Variants in NOL4 observed in about 807,000 individuals in gnomAD.
NOL4 encodes nucleolar protein 4.
In NOL4, 17 loss-of-function variants were observed where a neutral mutation model predicts 75.9. That is an observed-to-expected ratio of 0.22 (90% confidence interval 0.15 to 0.34). The LOEUF (loss-of-function observed/expected upper bound fraction) is 0.34, where lower values mean the gene tolerates loss of function less well. Ranked by LOEUF, NOL4 falls within the 10% of genes least tolerant of loss-of-function variation. NOL4 has a pLI of 1.00. For synonymous variants in NOL4, 292 were observed against 289.9 expected (o/e 1.01, Z -0.07); for missense variants, 614 against 793.5 (o/e 0.77, Z 2.72).
chr18:34,070,125 G>C (rs1373654331), intron 5 of NOL4, among the ~76,000 whole-genome samples: 1 of 152,294 alleles, frequency 6.6e-6, no homozygotes, highest in Middle Eastern at 3.4e-3. Flanking sequence ...TCCGCCTTCC[G>C]GGTTCACGCC....
At chr18:34,137,452 C>T (rs535473074) in intron 1 of NOL4, among the ~76,000 whole-genome samples, 56 of 151,992 alleles carry the variant, frequency 3.7e-4, no homozygotes, top group Non-Finnish European at 6.2e-4. Context: ...AGTCAAATAA[C>T]CCAATTTAAA....
chr18:34,198,208 G>A (rs577646027), intron 1 of NOL4, among the ~76,000 whole-genome samples: 62 of 151,720 alleles, frequency 4.1e-4, no homozygotes, highest in Non-Finnish European at 3.8e-4. Context: ...GTCTTGAAAG[G>A]GTATATTAGT....
At chr18:34,037,271 GAC>G (rs1293436390) in intron 5 of NOL4, among the ~76,000 whole-genome samples, 5 of 151,940 alleles carry the variant, frequency 3.3e-5, no homozygotes, top group African/African-American at 1.2e-4. Context: ...AACACAGGAG[GAC>G]ACAAACAAAT....
intron 6 of NOL4, among the ~76,000 whole-genome samples, chr18:34,002,201 T>C (rs1408982665): frequency 2.0e-5 from 3 of 152,058 alleles, no homozygotes; most frequent in South Asian, 2.1e-4. Flanking sequence ...AATTTATAAG[T>C]ATAATTTATA....
intron 10 of NOL4, among the ~76,000 whole-genome samples, chr18:33,880,323 G>A (rs1366813777): frequency 6.6e-6 from 1 of 151,672 alleles, no homozygotes; most frequent in African/African-American, 2.4e-5. Context: ...GTGTGTGTGT[G>A]TGTGTGTGTG....
chr18:33,976,964 G>A (rs2071536940), intron 6 of NOL4, among the ~76,000 whole-genome samples: 1 of 151,990 alleles, frequency 6.6e-6, no homozygotes, highest in Admixed American at 6.6e-5. Context: ...ATCTATTTTT[G>A]CACTACTCTT....
At chr18:34,135,583 G>A (rs1042923210) in intron 1 of NOL4, among the ~76,000 whole-genome samples, 4 of 150,378 alleles carry the variant, frequency 2.7e-5, no homozygotes, top group African/African-American at 7.3e-5. Context: ...TGTAGTGCCC[G>A]CTACTTGGGA....
intron 1 of NOL4, among the ~76,000 whole-genome samples, chr18:34,216,014 C>G (rs942137581): frequency 6.6e-5 from 10 of 152,056 alleles, no homozygotes; most frequent in Admixed American, 2.0e-4. Context: ...TTTCCAAATA[C>G]TTATTGAAAA....
chr18:34,051,346 AATT>A (rs1433058767), intron 5 of NOL4, among the ~76,000 whole-genome samples: 2 of 152,132 alleles, frequency 1.3e-5, no homozygotes, highest in East Asian at 1.9e-4. Flanking sequence ...CTGTCTACAT[AATT>A]ATTATTGGTT....
At chr18:33,887,067 AATAT>A (rs1171445416) in intron 9 of NOL4, among the ~76,000 whole-genome samples, 1 of 140,130 alleles carries the variant, frequency 7.1e-6, no homozygotes, top group South Asian at 2.1e-4. Flanking sequence ...ATCTATATAT[AATAT>A]ATATATCTAT....
chr18:34,020,909 CAT>C (rs1186815831), intron 5 of NOL4, among the ~76,000 whole-genome samples: 2 of 152,038 alleles, frequency 1.3e-5, no homozygotes, highest in African/African-American at 4.8e-5. Context: ...GTAGTGAAAT[CAT>C]ATAAATATGG....
At chr18:33,912,373 T>C (rs537709238) in intron 9 of NOL4, among the ~76,000 whole-genome samples, 1 of 152,108 alleles carries the variant, frequency 6.6e-6, no homozygotes, top group East Asian at 1.9e-4. Context: ...AATATATGTA[T>C]GAAATTATAG....
At chr18:33,991,881 T>C (rs2072942963) in intron 6 of NOL4, among the ~76,000 whole-genome samples, 1 of 150,020 alleles carries the variant, frequency 6.7e-6, no homozygotes, top group Non-Finnish European at 1.5e-5. Context: ...AATTCTATAC[T>C]GTACATGGAT....
chr18:34,043,208 A>C (rs1335998069), intron 5 of NOL4, among the ~76,000 whole-genome samples: 1 of 152,082 alleles, frequency 6.6e-6, no homozygotes, highest in East Asian at 1.9e-4. Flanking sequence ...GCAGATCCAT[A>C]GTGGGGGTTT....
intron 2 of NOL4, among the ~76,000 whole-genome samples, chr18:34,107,836 A>C (rs1257417317): frequency 1.3e-5 from 2 of 152,184 alleles, no homozygotes; most frequent in African/African-American, 4.8e-5. Context: ...ATAACCATCC[A>C]TGCACAAAAA....
At chr18:34,021,148 C>A (rs2075013721) in intron 5 of NOL4, among the ~76,000 whole-genome samples, 1 of 152,044 alleles carries the variant, frequency 6.6e-6, no homozygotes, top group Non-Finnish European at 1.5e-5. Context: ...AAGTATTTGG[C>A]CTGTAAAGAC....
At chr18:34,183,399 T>C (rs1407531087) in intron 1 of NOL4, 2 of 151,884 alleles carry the variant, frequency 1.3e-5, no homozygotes, top group African/African-American at 4.8e-5. Flanking sequence ...CAAATGCCAG[T>C]GAAGAGTAGA....
At chr18:34,025,682 A>C (rs1191747024) in intron 5 of NOL4, among the ~76,000 whole-genome samples, 1 of 152,202 alleles carries the variant, frequency 6.6e-6, no homozygotes, top group Non-Finnish European at 1.5e-5. Context: ...TGTTACTTCA[A>C]CTAGGCAGTT....
chr18:33,972,056 C>T (rs542150456), intron 6 of NOL4, among the ~76,000 whole-genome samples: 11 of 151,328 alleles, frequency 7.3e-5, no homozygotes, highest in Admixed American at 3.3e-4. Context: ...CCCAGCTACT[C>T]GGGAGGTTGA....
Sources: allele counts gnomAD v4.1 joint callset (sites outside exome capture counted in the v4.1 genomes callset), GRCh38; gene constraint gnomAD v4.1.1; transcripts MANE v1.5; gene names NCBI Gene and HGNC (gene_info 2026-07-23, HGNC 2026-07-21).